Variants in MCC observed in about 807,000 individuals in gnomAD.
MCC encodes the protein colorectal mutant cancer protein.
Under a neutral mutation model 116.2 loss-of-function variants are expected in MCC, and 90 were observed. The ratio of observed to expected loss-of-function variants is 0.77; its 90% CI spans 0.65 to 0.92. MCC has a LOEUF of 0.92. Ranked by LOEUF, MCC falls within the 40% of genes least tolerant of loss-of-function variation. The pLI, the probability that MCC is intolerant of heterozygous loss-of-function variation, is 0.00. For synonymous variants in MCC, 578 were observed against 510.5 expected, an observed-to-expected ratio of 1.13 and a Z score of -1.78; for missense variants, 1,516 against 1,312.2, an observed-to-expected ratio of 1.16 and a Z score of -2.40.
intron 17 of MCC, 141 bp from the exon 18 acceptor site, chr5:113,029,197 C>A: frequency 3.0e-6 from 2 of 659,430 alleles, no homozygotes; most frequent in Non-Finnish European, 4.8e-6. Context: ...ACTAAAGGGC[C>A]CAACAGCGCT....
intron 1 of MCC, among the ~76,000 whole-genome samples, chr5:113,438,911 G>C (rs570153435): frequency 6.6e-6 from 1 of 152,242 alleles, no homozygotes; most frequent in South Asian, 2.1e-4. Context: ...GCTTATGGGA[G>C]AGAAAAAAAA....
intron 3 of MCC, among the ~76,000 whole-genome samples, chr5:113,181,092 G>A (rs1310313543): frequency 2.0e-5 from 3 of 152,288 alleles, no homozygotes; most frequent in East Asian, 1.9e-4. Flanking sequence ...CTATGTGAAC[G>A]ATGACACTTA....
chr5:113,398,790 C>T (rs916695834), intron 1 of MCC, among the ~76,000 whole-genome samples: 1 of 152,180 alleles, frequency 6.6e-6, no homozygotes, highest in Non-Finnish European at 1.5e-5. Flanking sequence ...GCAATATACC[C>T]ATGTAAGCTT....
chr5:113,343,870 A>C (rs531409596), intron 2 of MCC, among the ~76,000 whole-genome samples: 1 of 152,330 alleles, frequency 6.6e-6, no homozygotes, highest in East Asian at 1.9e-4. Flanking sequence ...AGGTGGAGCA[A>C]GATGGCTGAA....
chr5:113,244,398 G>A (rs1764494161), intron 3 of MCC, among the ~76,000 whole-genome samples: 1 of 152,192 alleles, frequency 6.6e-6, no homozygotes, highest in African/African-American at 2.4e-5. Flanking sequence ...GCAAATGGAG[G>A]AAATACTCCA....
chr5:113,184,898 A>G (rs558678690), intron 3 of MCC, among the ~76,000 whole-genome samples: 3 of 152,202 alleles, frequency 2.0e-5, no homozygotes, highest in African/African-American at 7.2e-5. Context: ...CTCATGACAC[A>G]CACTGTGCAG....
chr5:113,288,670 T>C (rs1375577568), intron 3 of MCC, among the ~76,000 whole-genome samples: 3 of 152,172 alleles, frequency 2.0e-5, no homozygotes, highest in South Asian at 4.1e-4. Context: ...CTTATTAAAA[T>C]AGAATACTCC....
At chr5:113,450,948 C>T (rs1185348314) in intron 1 of MCC, among the ~76,000 whole-genome samples, 1 of 152,200 alleles carries the variant, frequency 6.6e-6, no homozygotes. Context: ...TTTCTGAAGA[C>T]AGCCCCTACC....
intron 11 of MCC, among the ~76,000 whole-genome samples, chr5:113,076,683 C>A (rs12653556): frequency 1.1e-4 from 17 of 152,254 alleles, no homozygotes; most frequent in Middle Eastern, 3.4e-3. Context: ...AAGGAACAAC[C>A]GGTACCAGCC....
At chr5:113,043,337 T>C (rs1428795967) in intron 17 of MCC, among the ~76,000 whole-genome samples, 193 bp downstream of exon 17, 1 of 152,228 alleles carries the variant, frequency 6.6e-6, no homozygotes, top group Non-Finnish European at 1.5e-5. Context: ...CTAAGTGCTG[T>C]CTCTTAAGTG....
At chr5:113,140,758 T>G (rs1421003187) in intron 5 of MCC, among the ~76,000 whole-genome samples, 1 of 152,174 alleles carries the variant, frequency 6.6e-6, no homozygotes, top group Non-Finnish European at 1.5e-5. Context: ...GACACCAAAG[T>G]CTACAATGGT....
intron 3 of MCC, among the ~76,000 whole-genome samples, chr5:113,155,685 G>C (rs1046893740): frequency 1.3e-5 from 2 of 152,162 alleles, no homozygotes; most frequent in Admixed American, 6.5e-5. Flanking sequence ...TCTAACTTGA[G>C]AGATTCAGAC....
chr5:113,155,547 G>C (rs1355473928), intron 3 of MCC, among the ~76,000 whole-genome samples: 1 of 152,190 alleles, frequency 6.6e-6, no homozygotes, highest in Non-Finnish European at 1.5e-5. Context: ...AGGACTACCA[G>C]TGGGTTTAAA....
rs1561530489 is a variant in MCC at position 113,340,528 on chromosome 5, C to T, written c.618G>A (p.Leu206=). The T allele has an allele frequency of 6.2e-7, 1 of 1,614,080 alleles. No homozygotes were observed. The highest frequency in any genetic ancestry group is 8.5e-7 in the Non-Finnish European group (1 of 1,179,982). Reference sequence around the variant, plus strand: ...ACCAAAAAGTACTCACTGTGTTGGCCAGCTCTAGATAGCTTCCTCCTACAG... The same window carrying T: ...ACCAAAAAGTACTCACTGTGTTGGCTAGCTCTAGATAGCTTCCTCCTACAG... The part of the protein sequence containing the change: ...GNSVGGSYLE[L]ANTLHSAALA... The change falls in exon 3 of 19, where the codon CTG becomes CTA. Residue 206 remains leucine (L), a synonymous_variant. Transcript: ENST00000408903.
chr5:113,275,968 T>C (rs1330193014), intron 3 of MCC, among the ~76,000 whole-genome samples: 1 of 139,874 alleles, frequency 7.1e-6, no homozygotes, highest in Non-Finnish European at 1.5e-5. Flanking sequence ...TTCACTTGTT[T>C]TGTTTTTTTT....
At chr5:113,318,673 C>T (rs907358079) in intron 3 of MCC, among the ~76,000 whole-genome samples, 22 of 151,786 alleles carry the variant, frequency 1.4e-4, no homozygotes, top group African/African-American at 4.8e-4. Flanking sequence ...CACACTGGGG[C>T]CTATGGGAGG....
At chr5:113,385,521 T>C (rs930605068) in intron 1 of MCC, among the ~76,000 whole-genome samples, 2 of 152,204 alleles carry the variant, frequency 1.3e-5, no homozygotes, top group African/African-American at 4.8e-5. Flanking sequence ...AAGTTCTTTC[T>C]TTACACCTGA....
intron 4 of MCC, among the ~76,000 whole-genome samples, chr5:113,147,446 A>T (rs1332555702): frequency 1.3e-5 from 2 of 152,150 alleles, no homozygotes; most frequent in Non-Finnish European, 2.9e-5. Flanking sequence ...ACTGATCTTT[A>T]ATCATCGCAT....
In MCC at chr5:113,026,271, G is replaced by T. The variant is rs1750541594; in HGVS notation, c.*1031C>A. 2 of 152,294 alleles carry T rather than the reference G, an allele frequency of 1.3e-5. No homozygotes were observed. The highest frequency in any genetic ancestry group is 1.3e-4 in the Admixed American group (2 of 15,298). The allele number at this position is 152,294 out of a possible 1,614,324, so 9.4% of individuals were successfully genotyped here. A position where few individuals can be genotyped will look rare whatever the true frequency, so the allele number is the denominator to read the frequency against. ...ACAGGAGCTAAGTCTTGAACTGGGG[G>T]TTACACAGCACTCTTAAGTAGGCGT... On this transcript the variant is annotated 3_prime_UTR_variant, in exon 19 of 19. Transcript: ENST00000408903.
Sources: allele counts gnomAD v4.1 joint callset (sites outside exome capture counted in the v4.1 genomes callset), GRCh38; gene constraint gnomAD v4.1.1; transcripts MANE v1.5; gene names NCBI Gene and HGNC (gene_info 2026-07-23, HGNC 2026-07-21).